The following EFCAB13 variants were observed in gnomAD, a reference collection of about 807,000 sequenced individuals.
The protein encoded by EFCAB13 is EF-hand calcium binding domain 13, also known as EF-hand calcium-binding domain-containing protein 13.
In EFCAB13, 91 loss-of-function variants were observed where a neutral mutation model predicts 110.2. The ratio of observed to expected loss-of-function variants is 0.83; its 90% CI spans 0.70 to 0.98. EFCAB13 has a LOEUF of 0.98. Ranked by LOEUF, EFCAB13 falls within the 50% of genes least tolerant of loss-of-function variation. The pLI, the probability that EFCAB13 is intolerant of heterozygous loss-of-function variation, is 0.00. For missense variants in EFCAB13, 968 were observed against 1,119.4 expected (o/e 0.86, Z 1.93); for synonymous variants, 323 against 369.9 (o/e 0.87, Z 1.45).
intron 9 of EFCAB13, among the ~76,000 whole-genome samples, chr17:47,358,001 C>G (rs555930041): frequency 1.3e-5 from 2 of 152,110 alleles, no homozygotes; most frequent in African/African-American, 2.4e-5. Flanking sequence ...GGACAGTGTT[C>G]TGAGACTAAT....
At chr17:47,409,829 T>C (rs2065824577) in intron 21 of EFCAB13, 138 bp downstream of exon 21, 1 of 637,308 alleles carries the variant, frequency 1.6e-6, no homozygotes. Flanking sequence ...AGTAATCTGA[T>C]CATGTTACCT....
chr17:47,344,305 T>G lies in EFCAB13; in HGVS notation c.434+13T>G. On this transcript the variant is annotated intron_variant, in intron 7 of 24. Transcript: ENST00000331493. ...CTGCAATTACTCGGTATTTAAATCCTTGTACTCTATTTTTTAAATGTTGGG... is the reference window on the plus strand; with the variant it reads ...CTGCAATTACTCGGTATTTAAATCCGTGTACTCTATTTTTTAAATGTTGGG... The G allele has an allele frequency of 1.2e-6, 2 of 1,606,660 alleles. No homozygotes were observed. Among genetic ancestry groups the G allele is most frequent in the Non-Finnish European group, 1.7e-6 (2 of 1,176,284 alleles).
In EFCAB13 at chr17:47,441,040, C is replaced by A; in HGVS notation, c.*326C>A. 1 of 162,906 alleles carries A rather than the reference C, an allele frequency of 6.1e-6. No homozygotes were observed. The allele number at this position is 162,906 out of a possible 1,614,324, so 10.1% of individuals were successfully genotyped here. A position where few individuals can be genotyped will look rare whatever the true frequency, so the allele number is the denominator to read the frequency against. On this transcript the variant is annotated 3_prime_UTR_variant, in exon 25 of 25. Coordinates refer to ENST00000331493, the MANE Select transcript of EFCAB13 (RefSeq NM_152347.5). ...TATTATCCCCCAGAAGTCTCTTATG[C>A]CCTTTTGGTAATCCATTTCTTCCTC...
At position 47,404,573 on chromosome 17, in the gene EFCAB13, G is replaced by C; in HGVS notation, c.2173G>C (p.Val725Leu). 2 of 1,612,154 alleles carry C rather than the reference G, an allele frequency of 1.2e-6. No homozygotes were observed. Among genetic ancestry groups the C allele is most frequent in the Non-Finnish European group, 1.7e-6 (2 of 1,179,002 alleles). The change falls in exon 20 of 25, where the codon GTG (valine) becomes CTG (leucine). Residue 725 changes from valine to leucine, a missense_variant. Val to Leu is a conservative substitution (Grantham distance 32). Coordinates refer to ENST00000331493, the MANE Select transcript of EFCAB13 (RefSeq NM_152347.5). ...QSDFVSEDNM[V>L]NIKDCMRALR... ...TCTTTTCCTTGCAGAAGATAACATG[G>C]TGAACATTAAAGACTGTATGAGGGC...
intron 14 of EFCAB13, among the ~76,000 whole-genome samples, chr17:47,384,496 TA>T (rs1468613566): frequency 2.0e-5 from 3 of 151,912 alleles, no homozygotes; most frequent in African/African-American, 7.3e-5. Flanking sequence ...CCCTTCTTAA[TA>T]TTTAGTGCTT....
intron 17 of EFCAB13, among the ~76,000 whole-genome samples, chr17:47,400,970 A>C (rs2065775772): frequency 6.6e-6 from 1 of 152,184 alleles, no homozygotes; most frequent in African/African-American, 2.4e-5. Flanking sequence ...AGTATAAAAG[A>C]AGCATGAGGA....
chr17:47,407,651 A>G (rs2065812185), intron 20 of EFCAB13, among the ~76,000 whole-genome samples: 1 of 152,224 alleles, frequency 6.6e-6, no homozygotes, highest in South Asian at 2.1e-4. Context: ...ACATACTTCA[A>G]GAAGTAATGG....
chr17:47,382,456 C>T (rs545634254), intron 14 of EFCAB13, among the ~76,000 whole-genome samples: 18 of 152,274 alleles, frequency 1.2e-4, no homozygotes, highest in Admixed American at 2.6e-4. Flanking sequence ...GGAATCCTTC[C>T]AGCTTTTGTC....
intron 3 of EFCAB13, among the ~76,000 whole-genome samples, chr17:47,327,462 C>CA (rs1311323121): frequency 6.7e-6 from 1 of 149,678 alleles, no homozygotes; most frequent in African/African-American, 2.5e-5. Context: ...CATACCTGGC[C>CA]TTTTTTTTTA....
chr17:47,419,776 A>C (rs979846645), intron 23 of EFCAB13, among the ~76,000 whole-genome samples: 9 of 152,182 alleles, frequency 5.9e-5, no homozygotes, highest in Non-Finnish European at 1.2e-4. Context: ...GCCAGAGATA[A>C]TGGAATAACA....
At chr17:47,438,252 A>G (rs985815750) in intron 24 of EFCAB13, among the ~76,000 whole-genome samples, 9 of 152,196 alleles carry the variant, frequency 5.9e-5, no homozygotes, top group Admixed American at 2.6e-4. Flanking sequence ...CCTGATGACA[A>G]TGTGCCTAGG....
chr17:47,394,427 C>T (rs1408016584), intron 16 of EFCAB13, among the ~76,000 whole-genome samples: 1 of 152,186 alleles, frequency 6.6e-6, no homozygotes, highest in African/African-American at 2.4e-5. Context: ...ATGATGCCTT[C>T]TAGTGCCTGA....
intron 8 of EFCAB13, among the ~76,000 whole-genome samples, chr17:47,346,426 G>A (rs1034119322): frequency 4.0e-5 from 3 of 75,724 alleles, no homozygotes; most frequent in Non-Finnish European, 5.1e-5. Context: ...TGTATATAAC[G>A]TACTTTACCC....
chr17:47,416,793 A>G (rs1278306618), intron 23 of EFCAB13, among the ~76,000 whole-genome samples: 1 of 152,222 alleles, frequency 6.6e-6, no homozygotes, highest in Non-Finnish European at 1.5e-5. Flanking sequence ...ATGAATTAGT[A>G]CAATTGACTC....
At position 47,436,619 on chromosome 17, in the gene EFCAB13, T is replaced by G. The variant is rs550227231; in HGVS notation, c.2639-3812T>G. On this transcript the variant is annotated intron_variant, in intron 24 of 24. Transcript: ENST00000331493. ...TTTCAGTGATGTCAGTTGTAATATCTCCTGTTTTGTTTCTTAGTGGGGTTA... is the reference window on the plus strand; with the variant it reads ...TTTCAGTGATGTCAGTTGTAATATCGCCTGTTTTGTTTCTTAGTGGGGTTA... Among the ~76,000 whole-genome samples, 4 of 152,266 alleles carry G rather than the reference T, an allele frequency of 2.6e-5. No homozygotes were observed. The South Asian group carries it at 8.3e-4, about 32-fold the overall frequency.
chr17:47,436,222 G>A (rs1029454186), intron 24 of EFCAB13, among the ~76,000 whole-genome samples: 1 of 152,116 alleles, frequency 6.6e-6, no homozygotes, highest in Non-Finnish European at 1.5e-5. Flanking sequence ...AAGGATATCA[G>A]TCCGTAGTTT....
intron 12 of EFCAB13, among the ~76,000 whole-genome samples, chr17:47,377,186 AAC>A (rs540136692): frequency 5.9e-5 from 9 of 151,354 alleles, no homozygotes; most frequent in Middle Eastern, 3.4e-3. Context: ...TACACATACA[AAC>A]ACACACACAC....
intron 17 of EFCAB13, among the ~76,000 whole-genome samples, chr17:47,397,626 C>G (rs193262545): frequency 0.02 from 3,041 of 151,566 alleles, 104 homozygotes; most frequent in African/African-American, 0.071. Context: ...TGCCCGGCCG[C>G]CCATCGTCTG....
intron 14 of EFCAB13, among the ~76,000 whole-genome samples, chr17:47,380,141 T>TA (rs904261701): frequency 2.6e-5 from 4 of 152,214 alleles, no homozygotes; most frequent in African/African-American, 9.6e-5. Context: ...GCAGGTTTGT[T>TA]ACATAGGTAT....
Sources: gnomAD v4.1 joint callset for allele counts (sites outside exome capture counted in the v4.1 genomes callset) on GRCh38, gnomAD v4.1.1 for gene constraint, MANE v1.5 for transcripts, NCBI Gene and HGNC (gene_info 2026-07-23, HGNC 2026-07-21) for gene names.